NOL4: variants seen among roughly 807,000 people sequenced by gnomAD.
NOL4 encodes cancer/testis antigen 125.
In NOL4, 17 loss-of-function variants were observed where a neutral mutation model predicts 75.9. That is an observed-to-expected ratio of 0.22 (90% CI 0.15 to 0.34). NOL4 has a LOEUF of 0.34. Ranked by LOEUF, NOL4 falls within the 10% of genes least tolerant of loss-of-function variation. The probability of loss-of-function intolerance (pLI) is 1.00; values close to 1 mark genes in which losing one functional copy is unlikely to be tolerated. For synonymous variants in NOL4, 292 were observed against 289.9 expected, an observed-to-expected ratio of 1.01 and a Z score of -0.07; for missense variants, 614 against 793.5, an observed-to-expected ratio of 0.77 and a Z score of 2.72.
At position 34,211,880 on chromosome 18, in the gene NOL4, A is replaced by C. The variant is rs769894314; in HGVS notation, c.264+11110T>G. On this transcript the variant is annotated intron_variant, in intron 1 of 10. Transcript: ENST00000261592. Reference sequence around the variant, plus strand: ...AGAAAAAGACTTGCCAATTACTGCTATTTTTTATATTCTATTCCCCAAATG... The same window carrying C: ...AGAAAAAGACTTGCCAATTACTGCTCTTTTTTATATTCTATTCCCCAAATG... Among the ~76,000 whole-genome samples the C allele has an allele frequency of 3.7e-4, 56 of 152,158 alleles. 1 individual carries two copies. The highest frequency in any genetic ancestry group is 1.2e-4 in the Non-Finnish European group (8 of 68,004).
At chr18:34,066,017 G>A (rs929334038) in intron 5 of NOL4, among the ~76,000 whole-genome samples, 7 of 151,798 alleles carry the variant, frequency 4.6e-5, no homozygotes, top group East Asian at 1.9e-4. Context: ...TAACCCTTAC[G>A]AATTTGACTT....
chr18:34,138,282 G>A (rs961379444), intron 1 of NOL4, among the ~76,000 whole-genome samples: 3 of 152,056 alleles, frequency 2.0e-5, no homozygotes, highest in Admixed American at 1.3e-4. Flanking sequence ...CATGCCTGTA[G>A]TCCCAGATGC....
chr18:33,856,304 G>A (rs920168843), intron 10 of NOL4, among the ~76,000 whole-genome samples: 1 of 152,000 alleles, frequency 6.6e-6, no homozygotes, highest in Admixed American at 6.6e-5. Flanking sequence ...CAAAAACCAC[G>A]ATGGTTTAAT....
chr18:34,158,035 T>A (rs777684945), intron 1 of NOL4, among the ~76,000 whole-genome samples: 6 of 152,194 alleles, frequency 3.9e-5, no homozygotes, highest in Non-Finnish European at 7.3e-5. Flanking sequence ...ATAGTTATCT[T>A]GCATTGTTGG....
At chr18:33,883,220 AC>A (rs750851830) in intron 10 of NOL4, 23 bp downstream of exon 10, 9 of 1,537,374 alleles carry the variant, frequency 5.9e-6, no homozygotes, top group Non-Finnish European at 7.9e-6. Context: ...TAAAAAAAAA[AC>A]ACAATCTATG....
At chr18:33,875,284 T>C (rs1263744197) in intron 10 of NOL4, among the ~76,000 whole-genome samples, 6 of 152,024 alleles carry the variant, frequency 3.9e-5, no homozygotes, top group Admixed American at 3.9e-4. Flanking sequence ...AACAGGAGGA[T>C]TGGCTGCTTG....
At chr18:34,149,056 GT>G (rs1248449281) in intron 1 of NOL4, among the ~76,000 whole-genome samples, 1 of 151,574 alleles carries the variant, frequency 6.6e-6, no homozygotes, top group Non-Finnish European at 1.5e-5. Context: ...CTAATTCAGT[GT>G]TTGACTGCAA....
chr18:34,032,439 G>C (rs2075683290), intron 5 of NOL4, among the ~76,000 whole-genome samples: 1 of 152,070 alleles, frequency 6.6e-6, no homozygotes, highest in East Asian at 1.9e-4. Flanking sequence ...ACAGACTCTG[G>C]AGGCAAAAAG....
intron 2 of NOL4, among the ~76,000 whole-genome samples, chr18:34,124,371 AT>A (rs566414165): frequency 1.3e-5 from 2 of 152,114 alleles, no homozygotes; most frequent in African/African-American, 2.4e-5. Context: ...CCTAGAGAGT[AT>A]TTTTTTCTAA....
intron 6 of NOL4, among the ~76,000 whole-genome samples, chr18:33,969,223 G>A (rs897782597): frequency 6.6e-6 from 1 of 151,994 alleles, no homozygotes; most frequent in African/African-American, 2.4e-5. Flanking sequence ...CTCGCAATAT[G>A]ATAATATAAT....
intron 8 of NOL4, among the ~76,000 whole-genome samples, chr18:33,957,104 A>C (rs998461354): frequency 9.9e-5 from 15 of 152,122 alleles, no homozygotes; most frequent in African/African-American, 3.6e-4. Flanking sequence ...TTCTGTGAGC[A>C]CTGGACTCAC....
chr18:33,941,544 A>T (rs781104850), intron 9 of NOL4, among the ~76,000 whole-genome samples: 5 of 151,928 alleles, frequency 3.3e-5, no homozygotes, highest in Non-Finnish European at 7.4e-5. Context: ...CAATACAATG[A>T]CAAAACAGCT....
intron 6 of NOL4, among the ~76,000 whole-genome samples, chr18:33,998,426 C>T (rs996721573): frequency 1.9e-4 from 29 of 151,946 alleles, no homozygotes; most frequent in Admixed American, 1.6e-3. Context: ...GTATTATATA[C>T]CTTTTGAGGT....
chr18:34,017,381 C>T (rs974012190), intron 6 of NOL4, among the ~76,000 whole-genome samples: 102 of 152,038 alleles, frequency 6.7e-4, no homozygotes, highest in Non-Finnish European at 1.5e-5. Context: ...TTAAGATGTA[C>T]AACATGATGT....
intron 10 of NOL4, among the ~76,000 whole-genome samples, chr18:33,881,572 A>G (rs2064275076): frequency 6.6e-6 from 1 of 151,622 alleles, no homozygotes; most frequent in African/African-American, 2.4e-5. Flanking sequence ...AACAAATGGA[A>G]GAACATTCCA....
At chr18:33,905,949 C>A (rs763069198) in intron 9 of NOL4, among the ~76,000 whole-genome samples, 11 of 152,228 alleles carry the variant, frequency 7.2e-5, no homozygotes, top group African/African-American at 2.2e-4. Flanking sequence ...TGGAATGAAC[C>A]TTTGAGAGTG....
At chr18:34,170,821 A>G (rs1176329357) in intron 1 of NOL4, among the ~76,000 whole-genome samples, 1 of 152,192 alleles carries the variant, frequency 6.6e-6, no homozygotes, top group Non-Finnish European at 1.5e-5. Context: ...TACTATGGCT[A>G]AGAACTATGC....
chr18:33,907,311 G>A (rs1351533458), intron 9 of NOL4, among the ~76,000 whole-genome samples: 10 of 115,434 alleles, frequency 8.7e-5, no homozygotes, highest in African/African-American at 2.4e-4. Context: ...GCGACAGAGC[G>A]AGACTCCATT....
intron 1 of NOL4, among the ~76,000 whole-genome samples, chr18:34,166,823 G>A (rs1177004812): frequency 9.6e-6 from 1 of 104,452 alleles, no homozygotes; most frequent in East Asian, 2.6e-4. Flanking sequence ...GGATCATGAG[G>A]TCAGGAGATC....
Sources: allele counts gnomAD v4.1 joint callset (sites outside exome capture counted in the v4.1 genomes callset), GRCh38; gene constraint gnomAD v4.1.1; transcripts MANE v1.5; gene names NCBI Gene and HGNC (gene_info 2026-07-23, HGNC 2026-07-21).